The following CWF19L2 variants were observed in gnomAD, a reference collection of about 807,000 sequenced individuals.
The protein encoded by CWF19L2 is CWF19 like cell cycle control factor 2.
A neutral mutation model predicts 111.7 loss-of-function variants in CWF19L2; 98 were observed. The observed-to-expected ratio is 0.88, with a 90% CI of 0.75 to 1.04. The LOEUF (loss-of-function observed/expected upper bound fraction) is 1.04. CWF19L2 is among the 50% of genes least tolerant of loss of function. The pLI is 0.00. For synonymous variants in CWF19L2, 351 were observed against 342.9 expected, an observed-to-expected ratio of 1.02 and a Z score of -0.26; for missense variants, 1,101 against 1,051.4, an observed-to-expected ratio of 1.05 and a Z score of -0.65.
At chr11:107,443,725 C>T (rs1452607619) in intron 3 of CWF19L2, among the ~76,000 whole-genome samples, 2 of 152,162 alleles carry the variant, frequency 1.3e-5, no homozygotes, top group African/African-American at 2.4e-5. Context: ...CCCAGGTAAA[C>T]GAATTTGCTG....
Position 107,429,247 on chromosome 11 carries a change from T to C in CWF19L2, c.985A>G (p.Asn329Asp), listed in dbSNP as rs775334692. The C allele has an allele frequency of 4.2e-5, 67 of 1,612,418 alleles. No homozygotes were observed. The highest frequency in any genetic ancestry group is 5.7e-5 in the Non-Finnish European group (67 of 1,179,502). The stretch of plus-strand genomic sequence containing the variant: ...TTTTCATCACCAATAAATTTTTCAT[T>C]ATTGCTATTTTTTGCAGTATCTGTT... ...ATTDTAKNSN[N>D]EKFIGDEKDK... Residue 329 changes from asparagine to aspartate, a missense_variant, in exon 8 of 18, where the codon AAT (asparagine) becomes GAT (aspartate). Transcript: ENST00000282251.
intron 3 of CWF19L2, among the ~76,000 whole-genome samples, chr11:107,448,343 C>CAAAAAAAA (rs61259014): frequency 1.8e-5 from 1 of 54,890 alleles, no homozygotes; most frequent in Admixed American, 2.6e-4. Flanking sequence ...GACTCCGTCA[C>CAAAAAAAA]AAAAAAAAAA....
chr11:107,450,934 T>A (rs1480805764), intron 3 of CWF19L2, among the ~76,000 whole-genome samples: 3 of 152,148 alleles, frequency 2.0e-5, no homozygotes, highest in Non-Finnish European at 4.4e-5. Context: ...ATTTTCTCAG[T>A]AACTGACTGA....
In CWF19L2 at chr11:107,429,261, G is replaced by A. The variant is rs1861428260; in HGVS notation, c.971C>T (p.Ala324Val). Reference sequence around the variant, plus strand: ...AAATTTTTCATTATTGCTATTTTTTGCAGTATCTGTTGTAGCATATCTATC... The same window carrying A: ...AAATTTTTCATTATTGCTATTTTTTACAGTATCTGTTGTAGCATATCTATC... ...SRDRYATTDTAKNSNNEKFIG... is the reference protein window; with the variant it reads ...SRDRYATTDTVKNSNNEKFIG... Residue 324 changes from alanine to valine, a missense_variant, in exon 8 of 18, where the codon GCA becomes GTA. Ala to Val is a moderately conservative substitution (Grantham distance 64). Coordinates refer to ENST00000282251, the MANE Select transcript of CWF19L2 (RefSeq NM_152434.3). The A allele has an allele frequency of 6.2e-7, 1 of 1,611,564 alleles. No homozygotes were observed. The highest frequency in any genetic ancestry group is 8.5e-7 in the Non-Finnish European group (1 of 1,179,220).
In CWF19L2 at chr11:107,423,565, T is replaced by G. The variant is rs147658740; in HGVS notation, c.1433+5234A>C. The stretch of plus-strand genomic sequence containing the variant: ...AGGTTTTTCTTTCCAACTAAAGTTA[T>G]GTCTAGTTCCTCCATTTCTCATCTC... On this transcript the variant is annotated intron_variant, in intron 8 of 17. Transcript: ENST00000282251. 3.5e-3 allele frequency among the ~76,000 whole-genome samples: 526 copies of G among 152,044 alleles called. 2 individuals are homozygous for G. Among genetic ancestry groups the G allele is most frequent in the Non-Finnish European group, 3.4e-3 (233 of 67,874 alleles).
chr11:107,430,121 C>A (rs2135410397), intron 7 of CWF19L2, among the ~76,000 whole-genome samples: 1 of 151,248 alleles, frequency 6.6e-6, no homozygotes, highest in Non-Finnish European at 1.5e-5. Flanking sequence ...CAGCCGATTT[C>A]TCAGAAGGAC....
intron 14 of CWF19L2, chr11:107,345,546 G>A (rs1166881170): frequency 2.0e-5 from 9 of 440,576 alleles, no homozygotes; most frequent in Non-Finnish European, 3.2e-5. Flanking sequence ...AACAAAAACT[G>A]AAAAAATACT....
chr11:107,332,789 T>C (rs866238230), intron 16 of CWF19L2, among the ~76,000 whole-genome samples: 1 of 152,138 alleles, frequency 6.6e-6, no homozygotes, highest in Non-Finnish European at 1.5e-5. Context: ...TTATGTACTC[T>C]TCTCATTCTT....
intron 14 of CWF19L2, among the ~76,000 whole-genome samples, chr11:107,341,043 C>T (rs1301734957): frequency 6.6e-6 from 1 of 152,192 alleles, no homozygotes; most frequent in East Asian, 1.9e-4. Context: ...ATCCGACATA[C>T]ACCTTCCCAA....
intron 14 of CWF19L2, among the ~76,000 whole-genome samples, chr11:107,337,367 TTGTGTGTGTGTGTGTGTGTGTGTGTGTG>T (rs5794537): frequency 1.9e-4 from 28 of 148,218 alleles, no homozygotes; most frequent in South Asian, 8.7e-4. Context: ...GGTGTGTGTT[TTGTGTGTGTGTGTGTGTGTGTGTGTGTG>T]TGTGTGTGTG....
chr11:107,401,351 A>G (rs1400116548), intron 10 of CWF19L2, among the ~76,000 whole-genome samples: 4 of 152,212 alleles, frequency 2.6e-5, no homozygotes, highest in Admixed American at 6.5e-5. Flanking sequence ...TAGAACTGAT[A>G]AAAGAATGCA....
chr11:107,342,154 C>T (rs1860014048), intron 14 of CWF19L2, among the ~76,000 whole-genome samples: 1 of 151,802 alleles, frequency 6.6e-6, no homozygotes, highest in South Asian at 2.1e-4. Context: ...GGTTTTTCCT[C>T]TTTTCTATAA....
intron 12 of CWF19L2, among the ~76,000 whole-genome samples, chr11:107,381,214 TA>T (rs1453490321): frequency 6.6e-6 from 1 of 152,176 alleles, no homozygotes; most frequent in African/African-American, 2.4e-5. Flanking sequence ...TTGTATACTG[TA>T]AATGGTTAAA....
chr11:107,348,056 T>C (rs1257549977), intron 14 of CWF19L2, among the ~76,000 whole-genome samples: 1 of 152,166 alleles, frequency 6.6e-6, no homozygotes, highest in Non-Finnish European at 1.5e-5. Context: ...GACATATTCT[T>C]ACTTTTGCTT....
At chr11:107,361,813 G>A (rs1348010233) in intron 12 of CWF19L2, among the ~76,000 whole-genome samples, 3 of 152,140 alleles carry the variant, frequency 2.0e-5, no homozygotes, top group African/African-American at 7.2e-5. Context: ...AAGATGTTGG[G>A]GGAGGAGCCA....
At chr11:107,399,600 C>T (rs1423057911) in intron 10 of CWF19L2, among the ~76,000 whole-genome samples, 2 of 152,066 alleles carry the variant, frequency 1.3e-5, no homozygotes, top group Admixed American at 6.6e-5. Flanking sequence ...ATTAGATAGA[C>T]AGCAAAAAAG....
At chr11:107,454,612 C>T in intron 2 of CWF19L2, 40 bp from the exon 3 acceptor site, 1 of 1,240,344 alleles carries the variant, frequency 8.1e-7, no homozygotes, top group Non-Finnish European at 1.0e-6. Context: ...AATTTAATTT[C>T]ATCTTAATTT....
At chr11:107,412,830 A>G (rs1254498097) in intron 10 of CWF19L2, among the ~76,000 whole-genome samples, 4 of 152,240 alleles carry the variant, frequency 2.6e-5, no homozygotes, top group Non-Finnish European at 4.4e-5. Flanking sequence ...CTATCAAACC[A>G]TGGAAAGACA....
At chr11:107,404,002 A>G in intron 10 of CWF19L2, 1 of 804,494 alleles carries the variant, frequency 1.2e-6, no homozygotes. Flanking sequence ...CACTCTCACT[A>G]AGGATTTCAC....
Sources: gnomAD v4.1 joint callset for allele counts (sites outside exome capture counted in the v4.1 genomes callset) on GRCh38, gnomAD v4.1.1 for gene constraint, MANE v1.5 for transcripts, NCBI Gene and HGNC (gene_info 2026-07-23, HGNC 2026-07-21) for gene names.